Variants in PRPSAP2 observed in about 807,000 individuals in gnomAD.
PRPSAP2 encodes phosphoribosyl pyrophosphate synthetase associated protein 2.
PRPSAP2 carries 24 observed loss-of-function variants against 40.6 expected under a neutral mutation model. That is an observed-to-expected ratio of 0.59 (90% CI 0.43 to 0.83). The LOEUF (loss-of-function observed/expected upper bound fraction) is 0.83. Ranked by LOEUF, PRPSAP2 falls within the 40% of genes least tolerant of loss-of-function variation. The pLI, the probability that PRPSAP2 is intolerant of heterozygous loss-of-function variation, is 0.00. For synonymous variants in PRPSAP2, 149 were observed against 164.7 expected (o/e 0.90, Z 0.73); for missense variants, 292 against 465.6 (o/e 0.63, Z 3.43).
chr17:18,897,299 C>T (rs965130466), intron 8 of PRPSAP2, among the ~76,000 whole-genome samples: 15 of 152,104 alleles, frequency 9.9e-5, no homozygotes, highest in African/African-American at 3.6e-4. Flanking sequence ...TTTTCTTAAA[C>T]ACTCCTCAGA....
At chr17:18,868,484 A>C (rs1022756441) in intron 4 of PRPSAP2, among the ~76,000 whole-genome samples, 2 of 138,324 alleles carry the variant, frequency 1.4e-5, no homozygotes, top group African/African-American at 5.4e-5. Context: ...GTCTCAGGGG[A>C]AAAAAAAAAA....
At chr17:18,909,826 A>G (rs2040848402) in intron 8 of PRPSAP2, among the ~76,000 whole-genome samples, 1 of 151,966 alleles carries the variant, frequency 6.6e-6, no homozygotes, top group East Asian at 2.0e-4. Context: ...AATAGCTTGA[A>G]TCTGGGAGGT....
chr17:18,895,876 C>T (rs1276868478), intron 8 of PRPSAP2, among the ~76,000 whole-genome samples: 1 of 152,114 alleles, frequency 6.6e-6, no homozygotes, highest in African/African-American at 2.4e-5. Flanking sequence ...ATCCACCCAT[C>T]TTGGCCTCCC....
chr17:18,910,684 T>G (rs1184966452), intron 8 of PRPSAP2, among the ~76,000 whole-genome samples: 1 of 152,220 alleles, frequency 6.6e-6, no homozygotes. Flanking sequence ...TATCTCAGTT[T>G]TACCTCCCTA....
At chr17:18,876,375 T>C (rs190933531) in intron 5 of PRPSAP2, among the ~76,000 whole-genome samples, 19 of 152,344 alleles carry the variant, frequency 1.2e-4, no homozygotes, top group South Asian at 4.1e-4. Context: ...TCTTTTTTTT[T>C]CCTAAGTTAA....
intron 8 of PRPSAP2, among the ~76,000 whole-genome samples, chr17:18,895,276 T>G (rs2039848447): frequency 6.6e-6 from 1 of 151,628 alleles, no homozygotes; most frequent in Non-Finnish European, 1.5e-5. Flanking sequence ...TATATATTTT[T>G]TGTTAGAGAC....
chr17:18,908,751 C>T (rs766541521), intron 8 of PRPSAP2: 29 of 724,388 alleles, frequency 4.0e-5, no homozygotes, highest in Admixed American at 2.6e-4. Context: ...AGAAAGAGAT[C>T]GGAGAGAAAA....
In PRPSAP2 at chr17:18,863,956, C is replaced by T. The variant is rs555171717; in HGVS notation, c.-128-1513C>T. Reference sequence around the variant, plus strand: ...CTGGGTTTAAGCGATTCTCCTGCCTCAGCCTCATGAGTAGCTGGGATTACA... The same window carrying T: ...CTGGGTTTAAGCGATTCTCCTGCCTTAGCCTCATGAGTAGCTGGGATTACA... On this transcript the variant is annotated intron_variant, in intron 1 of 11. Transcript: ENST00000268835. Among the ~76,000 whole-genome samples the T allele has an allele frequency of 2.3e-4, 35 of 151,530 alleles. 1 individual carries two copies. Among genetic ancestry groups the T allele is most frequent in the Non-Finnish European group, 4.6e-4 (31 of 67,940 alleles).
At chr17:18,899,743 C>T (rs940756897) in intron 8 of PRPSAP2, among the ~76,000 whole-genome samples, 13 of 151,904 alleles carry the variant, frequency 8.6e-5, no homozygotes, top group Non-Finnish European at 1.3e-4. Context: ...CCATATTGCC[C>T]AGGCTGGTCT....
intron 9 of PRPSAP2, among the ~76,000 whole-genome samples, chr17:18,914,179 CAAAAAAA>C (rs541753300): frequency 2.9e-4 from 29 of 101,518 alleles, no homozygotes; most frequent in African/African-American, 9.5e-4. Context: ...GACACCATCT[CAAAAAAA>C]AAAAGAAAAA....
At chr17:18,863,930 C>G (rs2037240862) in intron 1 of PRPSAP2, among the ~76,000 whole-genome samples, 1 of 150,886 alleles carries the variant, frequency 6.6e-6, no homozygotes, top group Non-Finnish European at 1.5e-5. Context: ...ACTTCTGCCT[C>G]CTGGGTTTAA....
intron 10 of PRPSAP2, 102 bp from the exon 11 acceptor site, chr17:18,928,709 T>G (rs756839493): frequency 6.6e-7 from 1 of 1,512,696 alleles, no homozygotes; most frequent in Admixed American, 1.7e-5. Context: ...GAAGAGCAGA[T>G]TTTTCACGGT....
At chr17:18,919,655 G>GC (rs2151966241) in intron 9 of PRPSAP2, among the ~76,000 whole-genome samples, 1 of 152,324 alleles carries the variant, frequency 6.6e-6, no homozygotes, top group East Asian at 1.9e-4. Flanking sequence ...GACAGAGTGA[G>GC]ACCCTGTCTC....
At chr17:18,930,197 C>A (rs1012991106) in intron 11 of PRPSAP2, among the ~76,000 whole-genome samples, 11 of 152,042 alleles carry the variant, frequency 7.2e-5, no homozygotes, top group Admixed American at 7.2e-4. Context: ...GCGGTGAAAC[C>A]CCGTCTCTAC....
At chr17:18,915,479 A>T (rs2041253436) in intron 9 of PRPSAP2, among the ~76,000 whole-genome samples, 1 of 145,586 alleles carries the variant, frequency 6.9e-6, no homozygotes, top group South Asian at 2.1e-4. Flanking sequence ...TTCTATAAAG[A>T]AGACACTTTA....
intron 9 of PRPSAP2, among the ~76,000 whole-genome samples, chr17:18,916,807 T>C (rs1296105310): frequency 6.6e-6 from 1 of 152,200 alleles, no homozygotes; most frequent in Non-Finnish European, 1.5e-5. Flanking sequence ...GGTGGCACCT[T>C]GTTACTGTGT....
chr17:18,882,510 TA>T (rs879058218), intron 6 of PRPSAP2, 57 bp from the exon 7 acceptor site: 18,242 of 919,488 alleles, frequency 0.02, no homozygotes, highest in South Asian at 0.023. Context: ...GATCCCATCT[TA>T]AAAAAAAAAA....
intron 8 of PRPSAP2, among the ~76,000 whole-genome samples, chr17:18,907,752 T>G (rs762218175): frequency 4.6e-5 from 7 of 152,216 alleles, no homozygotes; most frequent in Non-Finnish European, 8.8e-5. Flanking sequence ...ATGTCCTGAA[T>G]ATTTAGTAAC....
chr17:18,897,882 A>G (rs1466864422), intron 8 of PRPSAP2, among the ~76,000 whole-genome samples: 2 of 152,010 alleles, frequency 1.3e-5, no homozygotes, highest in African/African-American at 2.4e-5. Flanking sequence ...TGAGTGAAAT[A>G]TAGAAGTCAT....
Sources: gnomAD v4.1 joint callset for allele counts (sites outside exome capture counted in the v4.1 genomes callset) on GRCh38, gnomAD v4.1.1 for gene constraint, MANE v1.5 for transcripts, NCBI Gene and HGNC (gene_info 2026-07-23, HGNC 2026-07-21) for gene names.